Variants in ARHGEF3 observed in about 807,000 individuals in gnomAD.
The protein encoded by ARHGEF3 is 59.8 kDA protein.
In ARHGEF3, 28 loss-of-function variants were observed where a neutral mutation model predicts 63.2. The observed-to-expected ratio is 0.44, with a 90% CI of 0.33 to 0.61. The LOEUF (loss-of-function observed/expected upper bound fraction) is 0.61. Among genes scored for constraint, ARHGEF3 ranks in the 20% least tolerant of loss-of-function variants. The probability of loss-of-function intolerance (pLI) is 0.03; values close to 1 mark genes in which losing one functional copy is unlikely to be tolerated. For synonymous variants in ARHGEF3, 266 were observed against 254.2 expected, an observed-to-expected ratio of 1.05 and a Z score of -0.44; for missense variants, 533 against 659.3, an observed-to-expected ratio of 0.81 and a Z score of 2.10.
At chr3:56,802,170 G>C (rs892534175), upstream of ARHGEF3, among the ~76,000 whole-genome samples, 1 of 152,202 alleles carries the variant, frequency 6.6e-6, no homozygotes, top group African/African-American at 2.4e-5. Flanking sequence ...GCAGAGCGTG[G>C]GCCGCGATTG....
At chr3:56,987,255 T>C (rs1701579044) in intron 2 of ARHGEF3, among the ~76,000 whole-genome samples, 1 of 152,128 alleles carries the variant, frequency 6.6e-6, no homozygotes, top group Admixed American at 6.5e-5. Context: ...AACGCCTCAT[T>C]ATAGTCCATA....
chr3:56,919,640 T>G (rs2042074233), intron 3 of ARHGEF3, among the ~76,000 whole-genome samples: 1 of 152,216 alleles, frequency 6.6e-6, no homozygotes, highest in African/African-American at 2.4e-5. Context: ...ATGATGAAAG[T>G]GCACCTGTGT....
At chr3:56,881,076 A>G (rs1413876551) in intron 4 of ARHGEF3, among the ~76,000 whole-genome samples, 1 of 152,260 alleles carries the variant, frequency 6.6e-6, no homozygotes, top group African/African-American at 2.4e-5. Context: ...TTATCAGTTG[A>G]GTACCTAACA....
intron 3 of ARHGEF3, among the ~76,000 whole-genome samples, chr3:56,893,832 A>T: frequency 9.5e-6 from 1 of 104,714 alleles, no homozygotes; most frequent in Admixed American, 1.0e-4. Context: ...AAAAAAAAAA[A>T]AAAAAAAAAA....
At chr3:57,004,361 G>A (rs570256530) in intron 2 of ARHGEF3, among the ~76,000 whole-genome samples, 2 of 152,340 alleles carry the variant, frequency 1.3e-5, no homozygotes, top group African/African-American at 4.8e-5. Flanking sequence ...AAGGGAGACA[G>A]CAACACCCTC....
chr3:56,801,916 C>A lies in ARHGEF3; in HGVS notation c.-118G>T. 6.5e-7 allele frequency: 1 copy of A among 1,541,420 alleles called. No homozygotes were observed. The highest frequency in any genetic ancestry group is 1.2e-5 in the South Asian group (1 of 83,660). ...CGGGCGGCGGCGGCGACACGGAGAC[C>A]GACAGCCGGCTTCTAGCCGGGCAGG... On this transcript the variant is annotated 5_prime_UTR_variant, in exon 1 of 10. Transcript: ENST00000296315.
chr3:56,992,429 T>C (rs76800451), intron 2 of ARHGEF3, among the ~76,000 whole-genome samples: 2,495 of 123,880 alleles, frequency 0.02, 98 homozygotes, highest in African/African-American at 0.07. Context: ...AAGAAGGTCA[T>C]GTGGCCTCCA....
At position 56,945,718 on chromosome 3, in the gene ARHGEF3, T is replaced by C. The variant is rs148867710; in HGVS notation, c.129+13105A>G. ...CCTCTAGGGGCAGGGCATAGCCAAA[T>C]AAAAGGCAGCAGAATCCTCTGCAGA... On this transcript the variant is annotated intron_variant, in intron 3 of 12. Transcript: ENST00000338458. Among the ~76,000 whole-genome samples, 394 of 152,260 alleles carry C rather than the reference T, an allele frequency of 2.6e-3. 4 individuals are homozygous for C. In the East Asian group the frequency reaches 0.043, roughly 17 times the overall value.
chr3:56,796,189 CA>C (rs896613222), intron 1 of ARHGEF3, among the ~76,000 whole-genome samples: 62 of 152,292 alleles, frequency 4.1e-4, no homozygotes, highest in Admixed American at 3.7e-3. Context: ...ATAACAATTA[CA>C]TTTACACAGG....
chr3:56,790,993 C>G (rs537570001), intron 1 of ARHGEF3, among the ~76,000 whole-genome samples: 51 of 152,212 alleles, frequency 3.4e-4, no homozygotes, highest in African/African-American at 1.2e-3. Context: ...TTGCCAACTT[C>G]TAATGCTAAT....
At chr3:56,901,409 A>ATATGTATATGTATATGT (rs2041501326) in intron 3 of ARHGEF3, among the ~76,000 whole-genome samples, 6 of 124,666 alleles carry the variant, frequency 4.8e-5, no homozygotes, top group African/African-American at 1.4e-4. Flanking sequence ...TATGTATATG[A>ATATGTATATGTATATGT]GTATGTATAC....
At chr3:56,969,697 G>C (rs1277754313) in intron 2 of ARHGEF3, among the ~76,000 whole-genome samples, 1 of 148,816 alleles carries the variant, frequency 6.7e-6, no homozygotes, top group Non-Finnish European at 1.5e-5. Context: ...CTTGAACCAG[G>C]GACCGAGATC....
At chr3:57,028,876 T>G (rs377026483) in intron 2 of ARHGEF3, among the ~76,000 whole-genome samples, 182 of 152,102 alleles carry the variant, frequency 1.2e-3, no homozygotes, top group African/African-American at 4.2e-3. Context: ...GGATTAGCCA[T>G]GCTCACTGGA....
chr3:56,789,939 T>C (rs1321482940), intron 1 of ARHGEF3, among the ~76,000 whole-genome samples: 1 of 152,230 alleles, frequency 6.6e-6, no homozygotes, highest in African/African-American at 2.4e-5. Flanking sequence ...AAGGATCAGA[T>C]AATTTAAAAG....
At chr3:56,916,591 G>T (rs894634019) in intron 3 of ARHGEF3, 2 of 946,692 alleles carry the variant, frequency 2.1e-6, no homozygotes, top group Non-Finnish European at 2.8e-6. Context: ...GGCATTCAAA[G>T]GTACACCAGA....
intron 3 of ARHGEF3, among the ~76,000 whole-genome samples, chr3:56,922,498 G>T: frequency 6.6e-6 from 1 of 151,188 alleles, no homozygotes; most frequent in Non-Finnish European, 1.5e-5. Flanking sequence ...GTGGGAGGGA[G>T]GGGTATTTCT....
chr3:57,057,996 T>C (rs1005165043), intron 1 of ARHGEF3, among the ~76,000 whole-genome samples: 38 of 152,224 alleles, frequency 2.5e-4, no homozygotes, highest in Admixed American at 2.2e-3. Flanking sequence ...CTAAAACTAT[T>C]GTCCAAAGTG....
chr3:57,002,630 G>A (rs918781944), intron 2 of ARHGEF3, among the ~76,000 whole-genome samples: 9 of 146,238 alleles, frequency 6.2e-5, no homozygotes, highest in African/African-American at 2.3e-4. Context: ...ACATGTGGGG[G>A]GTTGTTACAT....
chr3:57,015,611 T>TTC (rs1376203595), intron 2 of ARHGEF3, among the ~76,000 whole-genome samples: 1 of 150,588 alleles, frequency 6.6e-6, no homozygotes, highest in East Asian at 1.9e-4. Context: ...TTTTTTTTTT[T>TTC]TTTTTTTTTT....
Sources: allele counts gnomAD v4.1 joint callset (sites outside exome capture counted in the v4.1 genomes callset), GRCh38; gene constraint gnomAD v4.1.1; transcripts MANE v1.5; gene names NCBI Gene and HGNC (gene_info 2026-07-23, HGNC 2026-07-21).